The following BRINP3 variants were observed in gnomAD, a reference collection of about 807,000 sequenced individuals.
BRINP3 encodes BMP/retinoic acid inducible neural specific 3.
In BRINP3, 19 loss-of-function variants were observed where a neutral mutation model predicts 71.0. The observed-to-expected ratio is 0.27, with a 90% CI of 0.19 to 0.39. The LOEUF (loss-of-function observed/expected upper bound fraction) is 0.39. Among genes scored for constraint, BRINP3 ranks in the 10% least tolerant of loss-of-function variants. The probability of loss-of-function intolerance (pLI) is 1.00; values close to 1 mark genes in which losing one functional copy is unlikely to be tolerated. For synonymous variants in BRINP3, 380 were observed against 337.7 expected (o/e 1.13, Z -1.37); for missense variants, 959 against 940.8 (o/e 1.02, Z -0.25).
At chr1:190,282,845 G>A (rs1044460951) in intron 2 of BRINP3, among the ~76,000 whole-genome samples, 9 of 152,002 alleles carry the variant, frequency 5.9e-5, no homozygotes, top group African/African-American at 1.2e-4. Context: ...AGACCACTTT[G>A]ATGAGAAATA....
At chr1:190,383,876 G>A (rs1285993279) in intron 2 of BRINP3, among the ~76,000 whole-genome samples, 5 of 151,904 alleles carry the variant, frequency 3.3e-5, no homozygotes, top group Admixed American at 2.0e-4. Context: ...TGATTATTAA[G>A]TGCTTATTAA....
intron 1 of BRINP3, among the ~76,000 whole-genome samples, chr1:190,463,749 CT>C (rs1676551653): frequency 6.6e-6 from 1 of 151,824 alleles, no homozygotes; most frequent in Non-Finnish European, 1.5e-5. Flanking sequence ...TAGTGAAATA[CT>C]GATTACAATC....
chr1:190,263,831 C>T (rs1661412919), intron 4 of BRINP3, among the ~76,000 whole-genome samples: 1 of 151,832 alleles, frequency 6.6e-6, no homozygotes, highest in African/African-American at 2.4e-5. Flanking sequence ...CAAGTGATCC[C>T]CCCGCCTCGG....
intron 4 of BRINP3, among the ~76,000 whole-genome samples, chr1:190,248,833 C>G (rs917957401): frequency 1.3e-5 from 2 of 151,600 alleles, no homozygotes; most frequent in East Asian, 3.9e-4. Flanking sequence ...TTTTTCTTTA[C>G]TTTCATCTTA....
At chr1:190,302,278 G>GTA (rs554805805) in intron 2 of BRINP3, among the ~76,000 whole-genome samples, 3,709 of 146,534 alleles carry the variant, frequency 0.025, 70 homozygotes, top group Middle Eastern at 0.1. Context: ...ATATATAAAT[G>GTA]TATATATATA....
intron 4 of BRINP3, among the ~76,000 whole-genome samples, chr1:190,236,097 T>A (rs1328246922): frequency 2.6e-5 from 4 of 151,888 alleles, no homozygotes; most frequent in Non-Finnish European, 5.9e-5. Flanking sequence ...ATGGAGATGA[T>A]GAAAGCCTAA....
At chr1:190,283,904 A>T (rs1408613291) in intron 2 of BRINP3, among the ~76,000 whole-genome samples, 1 of 151,846 alleles carries the variant, frequency 6.6e-6, no homozygotes, top group East Asian at 1.9e-4. Flanking sequence ...ACATAACTTG[A>T]CCTTAAAGCT....
intron 6 of BRINP3, among the ~76,000 whole-genome samples, chr1:190,197,639 T>C (rs749153986): frequency 6.6e-6 from 1 of 152,188 alleles, no homozygotes; most frequent in Non-Finnish European, 1.5e-5. Context: ...TGGCTCCATG[T>C]CTCACATCCA....
intron 6 of BRINP3, among the ~76,000 whole-genome samples, chr1:190,211,019 C>T (rs181048770): frequency 9.3e-4 from 142 of 152,204 alleles, no homozygotes; most frequent in African/African-American, 2.5e-3. Flanking sequence ...TTGCCAGGGG[C>T]TCTCGGGCCT....
intron 4 of BRINP3, among the ~76,000 whole-genome samples, chr1:190,237,963 G>A (rs1658686263): frequency 6.6e-6 from 1 of 151,946 alleles, no homozygotes; most frequent in Admixed American, 6.6e-5. Context: ...ATATTTAAGA[G>A]GGGATTTTGC....
At chr1:190,356,347 A>G (rs1053959224) in intron 2 of BRINP3, among the ~76,000 whole-genome samples, 5 of 151,898 alleles carry the variant, frequency 3.3e-5, no homozygotes, top group Non-Finnish European at 5.9e-5. Context: ...TTTTTTTCCT[A>G]TGACCCGATA....
At chr1:190,374,410 A>G (rs1018070599) in intron 2 of BRINP3, among the ~76,000 whole-genome samples, 1 of 152,134 alleles carries the variant, frequency 6.6e-6, no homozygotes, top group African/African-American at 2.4e-5. Flanking sequence ...TATTATAATC[A>G]CCATTATTAT....
chr1:190,400,175 G>C (rs534797894), intron 2 of BRINP3, among the ~76,000 whole-genome samples: 2 of 152,056 alleles, frequency 1.3e-5, no homozygotes, highest in South Asian at 2.1e-4. Context: ...AACGTTTTGC[G>C]TATCTGAATT....
intron 7 of BRINP3, among the ~76,000 whole-genome samples, chr1:190,148,110 C>T (rs1218045610): frequency 6.6e-6 from 1 of 152,056 alleles, no homozygotes; most frequent in Non-Finnish European, 1.5e-5. Context: ...AACTTAGAAC[C>T]ATTACATAAT....
At chr1:190,169,571 G>A (rs1651836339) in intron 6 of BRINP3, among the ~76,000 whole-genome samples, 1 of 152,102 alleles carries the variant, frequency 6.6e-6, no homozygotes, top group African/African-American at 2.4e-5. Context: ...GACTGATACA[G>A]CTAACTGAGG....
intron 2 of BRINP3, among the ~76,000 whole-genome samples, chr1:190,309,573 G>A (rs1273705954): frequency 1.3e-5 from 2 of 151,636 alleles, no homozygotes; most frequent in African/African-American, 2.4e-5. Flanking sequence ...TCAAATGACT[G>A]GTATTAACCT....
intron 7 of BRINP3, among the ~76,000 whole-genome samples, chr1:190,136,089 C>A (rs1654951609): frequency 6.6e-6 from 1 of 151,950 alleles, no homozygotes; most frequent in Non-Finnish European, 1.5e-5. Flanking sequence ...GGCACATGCC[C>A]TGGTTTCCTA....
chr1:190,289,152 T>A (rs1663662474), intron 2 of BRINP3, among the ~76,000 whole-genome samples: 2 of 151,950 alleles, frequency 1.3e-5, no homozygotes, highest in African/African-American at 4.8e-5. Flanking sequence ...AAGGATTTTT[T>A]AAAGAATAAC....
At chr1:190,326,167 A>G (rs1042113935) in intron 2 of BRINP3, among the ~76,000 whole-genome samples, 2 of 152,122 alleles carry the variant, frequency 1.3e-5, no homozygotes. Flanking sequence ...AATAGACCAG[A>G]CCATAACAGA....
Sources: gnomAD v4.1 joint callset for allele counts (sites outside exome capture counted in the v4.1 genomes callset) on GRCh38, gnomAD v4.1.1 for gene constraint, MANE v1.5 for transcripts, NCBI Gene and HGNC (gene_info 2026-07-23, HGNC 2026-07-21) for gene names.